Variants in MAGI1 observed in about 807,000 individuals in gnomAD.
MAGI1 encodes the protein membrane-associated guanylate kinase, WW and PDZ domain-containing protein 1.
MAGI1 carries 58 observed loss-of-function variants against 139.9 expected under a neutral mutation model. That is an observed-to-expected ratio of 0.41 (90% CI 0.34 to 0.52). MAGI1 has a LOEUF of 0.52. MAGI1 is among the 20% of genes least tolerant of loss of function. The pLI, the probability that MAGI1 is intolerant of heterozygous loss-of-function variation, is 0.12. For missense variants in MAGI1, 1,874 were observed against 1,901.6 expected (o/e 0.99, Z 0.27); for synonymous variants, 812 against 737.9 (o/e 1.10, Z -1.63).
chr3:65,592,680 C>T (rs145562259), intron 2 of MAGI1, among the ~76,000 whole-genome samples: 35 of 152,258 alleles, frequency 2.3e-4, no homozygotes, highest in African/African-American at 7.9e-4. Context: ...AAGGAACACA[C>T]GCACATGCAG....
chr3:65,939,575 G>T (rs988082837), intron 1 of MAGI1, among the ~76,000 whole-genome samples: 1 of 152,184 alleles, frequency 6.6e-6, no homozygotes, highest in Non-Finnish European at 1.5e-5. Context: ...TGGTGAATGT[G>T]AAATTATGAG....
chr3:65,590,587 T>G (rs942663538), intron 2 of MAGI1, among the ~76,000 whole-genome samples: 3 of 152,212 alleles, frequency 2.0e-5, no homozygotes, highest in Non-Finnish European at 4.4e-5. Context: ...GGAGATGTAC[T>G]TTAAAACTGC....
rs564906908 is a variant in MAGI1, at chr3:65,356,209, T to C, written c.*169A>G. The C allele has an allele frequency of 3.3e-6, 2 of 611,684 alleles. No individual in the cohort carries two copies. Among genetic ancestry groups the C allele is most frequent in the South Asian group, 6.5e-5 (2 of 30,672 alleles). 37.9% of individuals were successfully genotyped at this position (611,684 alleles called of 1,614,324 possible). On this transcript the variant is annotated 3_prime_UTR_variant, in exon 23 of 23. Transcript: ENST00000402939. ...TATGATACATCAGGCACAATACTTT[T>C]CATATATATTTTTTCTTATAAGATT...
intron 11 of MAGI1, among the ~76,000 whole-genome samples, 165 bp downstream of exon 11, chr3:65,430,534 G>A (rs1156263006): frequency 6.6e-6 from 1 of 152,162 alleles, no homozygotes; most frequent in African/African-American, 2.4e-5. Context: ...ATGAATTTAT[G>A]TAATGTGGAG....
intron 1 of MAGI1, among the ~76,000 whole-genome samples, chr3:65,850,423 C>G (rs1435551996): frequency 6.6e-6 from 1 of 152,142 alleles, no homozygotes; most frequent in Non-Finnish European, 1.5e-5. Context: ...CCAGGGTAAA[C>G]CAGGATGGCT....
chr3:65,381,832 A>G, intron 16 of MAGI1, 45 bp downstream of exon 16: 1 of 1,512,824 alleles, frequency 6.6e-7, no homozygotes, highest in Non-Finnish European at 8.9e-7. Context: ...TTTTCTGTGA[A>G]TAAAGTGACA....
chr3:65,687,056 G>A (rs539049830), intron 1 of MAGI1, among the ~76,000 whole-genome samples: 45 of 152,280 alleles, frequency 3.0e-4, no homozygotes, highest in Middle Eastern at 3.4e-3. Flanking sequence ...TACTCAAAAC[G>A]TGGTCACGGA....
intron 2 of MAGI1, among the ~76,000 whole-genome samples, chr3:65,546,262 C>T (rs959352547): frequency 6.6e-6 from 1 of 152,098 alleles, no homozygotes; most frequent in Non-Finnish European, 1.5e-5. Context: ...TCAAAACAGA[C>T]AAAACTCTTG....
At chr3:65,888,462 C>T (rs564714260) in intron 1 of MAGI1, among the ~76,000 whole-genome samples, 190 of 152,148 alleles carry the variant, frequency 1.2e-3, no homozygotes, top group African/African-American at 4.3e-3. Context: ...TATGAGGCTA[C>T]GTTAAGAAGA....
At chr3:65,409,421 G>A (rs1945605725) in intron 12 of MAGI1, among the ~76,000 whole-genome samples, 1 of 152,132 alleles carries the variant, frequency 6.6e-6, no homozygotes. Flanking sequence ...GGAGTGGGTG[G>A]AAGCACATGC....
At chr3:65,924,023 T>G (rs968047980) in intron 1 of MAGI1, among the ~76,000 whole-genome samples, 1 of 152,172 alleles carries the variant, frequency 6.6e-6, no homozygotes, top group African/African-American at 2.4e-5. Flanking sequence ...AAGCAGTAAT[T>G]TATCCAACAT....
At chr3:65,360,362 T>G (rs1479396160) in intron 22 of MAGI1, 1 of 979,448 alleles carries the variant, frequency 1.0e-6, no homozygotes. Flanking sequence ...TTTTTTTTTT[T>G]TTTTTTAATT....
At chr3:65,548,511 C>CTTTTTTTTTTTT (rs1170215972) in intron 2 of MAGI1, among the ~76,000 whole-genome samples, 16 of 87,388 alleles carry the variant, frequency 1.8e-4, no homozygotes, top group East Asian at 7.6e-4. Context: ...AAACAACACT[C>CTTTTTTTTTTTT]TTTTTTTTTT....
Position 65,622,094 on chromosome 3 carries a change from G to T in MAGI1, c.314-6C>A. 6.3e-7 allele frequency: 1 copy of T among 1,592,416 alleles called. No homozygotes were observed. The highest frequency in any genetic ancestry group is 1.1e-5 in the South Asian group (1 of 90,624). ...GTCCTTGTTCAGCCTTCCTCCTGCA[G>T]GAAATACATAAAATAGACATACCAC... On this transcript the variant is annotated splice_region_variant and splice_polypyrimidine_tract_variant and intron_variant, in intron 1 of 22. Coordinates refer to ENST00000402939, the MANE Select transcript of MAGI1 (RefSeq NM_001033057.2).
intron 1 of MAGI1, among the ~76,000 whole-genome samples, chr3:65,760,523 T>C (rs887208380): frequency 2.0e-5 from 3 of 151,684 alleles, no homozygotes; most frequent in Non-Finnish European, 2.9e-5. Context: ...AAGATAGGAA[T>C]AGATAGCAAC....
intron 1 of MAGI1, among the ~76,000 whole-genome samples, chr3:65,781,658 T>C (rs558569442): frequency 2.0e-5 from 3 of 152,362 alleles, no homozygotes; most frequent in South Asian, 2.1e-4. Flanking sequence ...ACTCGTATTA[T>C]AGATAATTCA....
intron 1 of MAGI1, among the ~76,000 whole-genome samples, chr3:65,681,545 T>A (rs564415899): frequency 2.9e-4 from 44 of 152,366 alleles, no homozygotes; most frequent in African/African-American, 1.0e-3. Flanking sequence ...ATCATTTTGC[T>A]GTCACACTGT....
At chr3:65,485,899 T>C (rs1343897455) in intron 3 of MAGI1, among the ~76,000 whole-genome samples, 1 of 152,168 alleles carries the variant, frequency 6.6e-6, no homozygotes, top group East Asian at 1.9e-4. Context: ...AGCAGGGAAT[T>C]AAAGAAAACT....
intron 3 of MAGI1, among the ~76,000 whole-genome samples, chr3:65,491,254 T>A (rs947418826): frequency 6.6e-6 from 1 of 152,230 alleles, no homozygotes. Flanking sequence ...AATAGTTATT[T>A]AATACCACTT....
Sources: allele counts gnomAD v4.1 joint callset (sites outside exome capture counted in the v4.1 genomes callset), GRCh38; gene constraint gnomAD v4.1.1; transcripts MANE v1.5; gene names NCBI Gene and HGNC (gene_info 2026-07-23, HGNC 2026-07-21).